Variants in DOCK8 observed in about 807,000 individuals in gnomAD.
The protein encoded by DOCK8 is dedicator of cytokinesis protein 8.
In DOCK8, 141 loss-of-function variants were observed where a neutral mutation model predicts 245.6. The ratio of observed to expected loss-of-function variants is 0.57; its 90% CI spans 0.50 to 0.66. The LOEUF is 0.66. Ranked by LOEUF, DOCK8 falls within the 30% of genes least tolerant of loss-of-function variation. DOCK8 has a pLI of 0.00. For synonymous variants in DOCK8, 1,168 were observed against 970.2 expected (o/e 1.20, Z -3.79); for missense variants, 2,965 against 2,603.4 (o/e 1.14, Z -3.02).
At chr9:291,724 T>C (rs2049047773) in intron 4 of DOCK8, among the ~76,000 whole-genome samples, 1 of 151,710 alleles carries the variant, frequency 6.6e-6, no homozygotes, top group South Asian at 2.1e-4. Context: ...CAAGAGGAAT[T>C]TCTATGTCAA....
chr9:286,776 T>C (rs1439547690), intron 3 of DOCK8, 140 bp downstream of exon 3: 1 of 848,648 alleles, frequency 1.2e-6, no homozygotes, highest in East Asian at 2.7e-5. Context: ...GACAGCTATA[T>C]GATATCATCA....
chr9:453,144 C>G (rs530204887), intron 46 of DOCK8, among the ~76,000 whole-genome samples: 3 of 152,348 alleles, frequency 2.0e-5, no homozygotes, highest in Admixed American at 6.5e-5. Context: ...CCTTCACAGG[C>G]TTTTGCGAGA....
chr9:414,131 CAA>C (rs199980516), intron 28 of DOCK8, among the ~76,000 whole-genome samples: 6 of 136,276 alleles, frequency 4.4e-5, no homozygotes, highest in Non-Finnish European at 6.4e-5. Flanking sequence ...AACTCCATGT[CAA>C]AAAAAAAAAA....
chr9:257,435 G>A (rs2047804679), intron 1 of DOCK8, among the ~76,000 whole-genome samples: 2 of 152,204 alleles, frequency 1.3e-5, no homozygotes, highest in Admixed American at 6.5e-5. Flanking sequence ...TTTTCTGCCA[G>A]CAATAGACCA....
upstream of DOCK8, among the ~76,000 whole-genome samples, chr9:212,557 C>G (rs585770): frequency 0.076 from 11,510 of 152,276 alleles, 602 homozygotes; most frequent in Non-Finnish European, 0.12. Context: ...TATCTAACAG[C>G]AGATCAAACT....
At chr9:251,950 G>A (rs1356815297) in intron 1 of DOCK8, among the ~76,000 whole-genome samples, 1 of 151,098 alleles carries the variant, frequency 6.6e-6, no homozygotes, top group African/African-American at 2.4e-5. Flanking sequence ...ATGGGGTGCA[G>A]AAGCGAGAGC....
intron 12 of DOCK8, 40 bp from the exon 13 acceptor site, chr9:338,966 A>G (rs2051446402): frequency 6.4e-7 from 1 of 1,568,894 alleles, no homozygotes; most frequent in Non-Finnish European, 8.8e-7. Flanking sequence ...CCCAAGAGTC[A>G]AAGGTGCATC....
At chr9:339,360 CAG>C (rs1203890287) in intron 13 of DOCK8, among the ~76,000 whole-genome samples, 3 of 152,136 alleles carry the variant, frequency 2.0e-5, no homozygotes, top group African/African-American at 7.2e-5. Context: ...ATTGTTTAAA[CAG>C]AGGAGCCCCT....
At chr9:276,381 G>A (rs1324259982) in intron 2 of DOCK8, among the ~76,000 whole-genome samples, 2 of 152,242 alleles carry the variant, frequency 1.3e-5, no homozygotes, top group African/African-American at 4.8e-5. Context: ...CAGATGAGAG[G>A]AAGGGTGTAT....
intron 14 of DOCK8, among the ~76,000 whole-genome samples, chr9:343,847 A>C (rs1440776477): frequency 1.3e-5 from 2 of 152,246 alleles, no homozygotes; most frequent in Non-Finnish European, 2.9e-5. Context: ...CATCCAATGA[A>C]TTCTGTAGTT....
intron 1 of DOCK8, among the ~76,000 whole-genome samples, chr9:252,204 A>G (rs1031678874): frequency 9.3e-5 from 14 of 151,336 alleles, no homozygotes; most frequent in African/African-American, 3.2e-4. Flanking sequence ...CGAACTCCTG[A>G]CCTCATGATT....
intron 8 of DOCK8, among the ~76,000 whole-genome samples, chr9:327,677 G>A (rs747298546): frequency 9.2e-5 from 14 of 152,174 alleles, no homozygotes; most frequent in Non-Finnish European, 1.9e-4. Context: ...GATTACGAGT[G>A]TGAACCACCA....
intron 23 of DOCK8, among the ~76,000 whole-genome samples, chr9:387,390 C>G (rs1224015255): frequency 6.7e-6 from 1 of 150,306 alleles, no homozygotes; most frequent in Non-Finnish European, 1.5e-5. Flanking sequence ...CTGCAGTGAG[C>G]TGAGATCGTG....
chr9:269,511 C>T (rs866752734), intron 1 of DOCK8, among the ~76,000 whole-genome samples: 1 of 148,910 alleles, frequency 6.7e-6, no homozygotes, highest in African/African-American at 2.5e-5. Flanking sequence ...AAGGCTGCTA[C>T]GAACATTCAT....
At chr9:395,394 G>C (rs2054402228) in intron 24 of DOCK8, among the ~76,000 whole-genome samples, 1 of 152,074 alleles carries the variant, frequency 6.6e-6, no homozygotes, top group African/African-American at 2.4e-5. Flanking sequence ...AATTGCCAGT[G>C]CTGCATGCAT....
intron 5 of DOCK8, among the ~76,000 whole-genome samples, chr9:308,382 T>A (rs1310705009): frequency 6.6e-6 from 1 of 152,252 alleles, no homozygotes; most frequent in African/African-American, 2.4e-5. Context: ...AAAAGTTGTT[T>A]GTTTTGAAAT....
rs966594796 is a variant in DOCK8, at chr9:434,069, G to A, written c.4886+94G>A. The A allele has an allele frequency of 7.8e-6, 7 of 896,216 alleles. No individual in the cohort carries two copies. In the African/African-American group the frequency reaches 9.8e-5, roughly 13 times the overall value. The allele number at this position is 896,216 out of a possible 1,614,324, so 55.5% of individuals were successfully genotyped here. ...CTAATGTAATGATCACAGCTAACAT[G>A]GATATAGTGATTTGGATGATAGCCA... On this transcript the variant is annotated intron_variant, in intron 38 of 47. Transcript: ENST00000432829.
At chr9:446,270 C>T (rs1236239727) in intron 43 of DOCK8, 100 bp from the exon 44 acceptor site, 40 of 977,772 alleles carry the variant, frequency 4.1e-5, no homozygotes, top group African/African-American at 1.9e-4. Context: ...CTGGGCAGGG[C>T]GGTGCCGGCA....
At chr9:214,192 GCCGGGCTTCTTAGCAGA>G (rs1017580335), upstream of DOCK8, 3 of 352,190 alleles carry the variant, frequency 8.5e-6, no homozygotes, top group Non-Finnish European at 1.6e-5. Flanking sequence ...TGAGTTTGAG[GCCGGGCTTCTTAGCAGA>G]CCTCAGTCTG....
Sources: allele counts gnomAD v4.1 joint callset (sites outside exome capture counted in the v4.1 genomes callset), GRCh38; gene constraint gnomAD v4.1.1; transcripts MANE v1.5; gene names NCBI Gene and HGNC (gene_info 2026-07-23, HGNC 2026-07-21).